KANK3: variants seen among roughly 807,000 people sequenced by gnomAD.
KANK3 encodes the protein KN motif and ankyrin repeat domains 3.
Under a neutral mutation model 65.4 loss-of-function variants are expected in KANK3, and 61 were observed. That is an observed-to-expected ratio of 0.93 (90% CI 0.76 to 1.15). The LOEUF (loss-of-function observed/expected upper bound fraction) is 1.15. KANK3 is among the 50% of genes most tolerant of loss of function. The pLI, the probability that KANK3 is intolerant of heterozygous loss-of-function variation, is 0.00. For missense variants in KANK3, 1,187 were observed against 1,178.8 expected, an observed-to-expected ratio of 1.01 and a Z score of -0.10; for synonymous variants, 586 against 543.3, an observed-to-expected ratio of 1.08 and a Z score of -1.09.
chr19:8,342,161 T>G (rs1423089967), intron 1 of KANK3, among the ~76,000 whole-genome samples: 1 of 152,106 alleles, frequency 6.6e-6, no homozygotes, highest in Non-Finnish European at 1.5e-5. Context: ...AGCTGGCTAA[T>G]TTTTGAATTT....
rs889896826 is a variant in KANK3, at chr19:8,335,547, A to T, written c.280T>A (p.Ser94Thr). ...RSPGAWTSSESLASDDGGAPG... is the reference protein window; with the variant it reads ...RSPGAWTSSETLASDDGGAPG... ...GCTCCACCGTCGTCACTGGCCAGGG[A>T]CTCGCTGGATGTCCAGGCGCCTGGG... Residue 94 changes from serine to threonine, a missense_variant, in exon 3 of 11, where the codon TCC becomes ACC. Coordinates refer to ENST00000330915, the MANE Select transcript of KANK3 (RefSeq NM_198471.3). The T allele has an allele frequency of 8.2e-7, 1 of 1,218,448 alleles. No homozygotes were observed. Among genetic ancestry groups the T allele is most frequent in the Non-Finnish European group, 1.0e-6 (1 of 972,540 alleles). 75.5% of individuals were successfully genotyped at this position (1,218,448 alleles called of 1,614,324 possible).
chr19:8,337,960 C>G, intron 1 of KANK3, 104 bp from the exon 2 acceptor site: 6 of 1,520,080 alleles, frequency 3.9e-6, no homozygotes, highest in Non-Finnish European at 5.3e-6. Flanking sequence ...TCTCCTCCAC[C>G]CAGCCACCTC....
chr19:8,333,274 G>T lies in KANK3; in HGVS notation c.1720-44C>A. ...AAGATAACATCGGCGATGGTCCACG[G>T]CGGCGCCGTGGTGGGGGAGCTGGGG... On this transcript the variant is annotated intron_variant, in intron 6 of 10. Transcript: ENST00000330915. This position sits in a 1 kb window ranked among gnomAD's most constrained non-coding sequence, Gnocchi z 5.0. The T allele has an allele frequency of 6.6e-7, 1 of 1,518,340 alleles. No homozygotes were observed. 94.1% of individuals were successfully genotyped at this position (1,518,340 alleles called of 1,614,324 possible).
chr19:8,338,873 C>CAAA (rs35505826), intron 1 of KANK3, among the ~76,000 whole-genome samples: 1 of 18,900 alleles, frequency 5.3e-5, no homozygotes, highest in Non-Finnish European at 1.1e-4. Context: ...GATTCCGTCT[C>CAAA]AAAAAAAAAA....
At chr19:8,337,096 G>A (rs1342800915) in intron 2 of KANK3, among the ~76,000 whole-genome samples, 3 of 151,846 alleles carry the variant, frequency 2.0e-5, no homozygotes, top group East Asian at 3.9e-4. Flanking sequence ...GCTGTAGTGC[G>A]ATCTTGGCTC....
rs1421780270 is a variant in KANK3, at chr19:8,335,111, G to A, written c.716C>T (p.Thr239Met). The A allele has an allele frequency of 1.6e-6, 2 of 1,279,982 alleles. No homozygotes were observed. The highest frequency in any genetic ancestry group is 8.6e-5 in the Admixed American group (2 of 23,306). The allele number at this position is 1,279,982 out of a possible 1,614,324, so 79.3% of individuals were successfully genotyped here. Residue 239 changes from threonine (T) to methionine (M), a missense_variant, in exon 3 of 11, where the codon ACG (threonine) becomes ATG (methionine). Thr to Met is a moderately conservative substitution (Grantham distance 81, BLOSUM62 -1). Transcript: ENST00000330915. ...CAGCTGGGCGAGCTTGTCCGGGCGC[G>A]TCTCAGCCTCCCCGTCCGGCTCGGG... is the stretch of plus-strand genomic sequence containing the variant. ...AQPEPDGEAETRPDKLAQLRR... is the reference protein window; with the variant it reads ...AQPEPDGEAEMRPDKLAQLRR...
Position 8,322,618 on chromosome 19 carries a change from A to C in KANK3, c.*221T>G, listed in dbSNP as rs900254466. The C allele has an allele frequency of 5.5e-6, 3 of 544,260 alleles. No homozygotes were observed. The highest frequency in any genetic ancestry group is 9.5e-6 in the Non-Finnish European group (3 of 314,666). The allele number at this position is 544,260 out of a possible 1,614,324, so 33.7% of individuals were successfully genotyped here. ...TGTTTTATTAGCAAAGAAGTTTCAG[A>C]GAGTGGGTGGATCAGGGCTCTATCA... On this transcript the variant is annotated 3_prime_UTR_variant, in exon 11 of 11. Coordinates refer to ENST00000330915, the MANE Select transcript of KANK3 (RefSeq NM_198471.3).
At position 8,334,005 on chromosome 19, in the gene KANK3, TC is replaced by T; in HGVS notation, c.1538del (p.Gly513AspfsTer36). The T allele has an allele frequency of 6.5e-7, 1 of 1,548,436 alleles. No homozygotes were observed. On this transcript the variant is annotated frameshift_variant, in exon 5 of 11. Coordinates refer to ENST00000330915, the MANE Select transcript of KANK3 (RefSeq NM_198471.3). LOFTEE classifies it high-confidence loss of function. ...SSGSGDDSGG[G>X]SDSGTPGPPS... ...GAGGGCCAGGGGTGCCCGAGTCGGA[TC>T]CCCCGCCGCTGTCATCCCCGGAGCC...
chr19:8,325,204 T>C, intron 7 of KANK3, 108 bp from the exon 8 acceptor site: 1 of 1,238,798 alleles, frequency 8.1e-7, no homozygotes, highest in Non-Finnish European at 1.1e-6. Context: ...TGGGGTGGTC[T>C]CAACGTTCTC....
chr19:8,340,526 A>C (rs1970711453), intron 1 of KANK3, among the ~76,000 whole-genome samples: 1 of 151,970 alleles, frequency 6.6e-6, no homozygotes. Context: ...ACTGACAGGC[A>C]TCTGCCAAAC....
chr19:8,343,046 C>A (rs1471564700), intron 1 of KANK3, among the ~76,000 whole-genome samples, 179 bp downstream of exon 1: 2 of 152,174 alleles, frequency 1.3e-5, no homozygotes, highest in Admixed American at 1.3e-4. Flanking sequence ...CTGCTCGCTA[C>A]CCACCTGGGA....
Position 8,334,531 on chromosome 19 carries a change from G to A in KANK3, c.1296C>T (p.Ser432=), listed in dbSNP as rs1277350950. The stretch of plus-strand genomic sequence containing the variant: ...GCGCCACGGCCCTGTCTCCGTCCAT[G>A]GATCCGGGCGAGCTCTCCTGAGTCA... ...PSLTQESSPG[S]MDGDRAVAPA... The change falls in exon 3 of 11, where the codon TCC becomes TCT. Residue 432 remains serine (S), a synonymous_variant. Coordinates refer to ENST00000330915, the MANE Select transcript of KANK3 (RefSeq NM_198471.3). The A allele has an allele frequency of 6.2e-7, 1 of 1,603,102 alleles. No individual in the cohort carries two copies. Among genetic ancestry groups the A allele is most frequent in the African/African-American group, 1.3e-5 (1 of 75,048 alleles).
At chr19:8,328,039 A>T (rs974115960) in intron 7 of KANK3, among the ~76,000 whole-genome samples, 2 of 152,176 alleles carry the variant, frequency 1.3e-5, no homozygotes, top group Non-Finnish European at 2.9e-5. Context: ...AGAACACTGG[A>T]GGCCAAGGCA....
At position 8,333,780 on chromosome 19, in the gene KANK3, C is replaced by A; in HGVS notation, c.1663G>T (p.Ala555Ser). Residue 555 changes from alanine (A) to serine (S), a missense_variant, in exon 6 of 11, where the codon GCG becomes TCG. By Grantham distance (99) the Ala-to-Ser change is moderately conservative (BLOSUM62 1). Transcript: ENST00000330915. This position sits in a 1 kb window ranked among gnomAD's most constrained non-coding sequence, Gnocchi z 5.0. ...RCELSPRLRE[A>S]CVALQRQLSR... ...AGCTGCCGCTGCAGCGCTACGCACG[C>A]CTCCCTCAGACGCGGGCTCAGCTCG... The A allele has an allele frequency of 6.6e-7, 1 of 1,517,734 alleles. No homozygotes were observed. The highest frequency in any genetic ancestry group is 2.1e-5 in the Admixed American group (1 of 46,806). The allele number at this position is 1,517,734 out of a possible 1,614,324, so 94.0% of individuals were successfully genotyped here.
chr19:8,334,230 G>T (rs1970585247), intron 4 of KANK3, 90 bp downstream of exon 4: 2 of 1,561,180 alleles, frequency 1.3e-6, no homozygotes, highest in African/African-American at 1.4e-5. Flanking sequence ...GGATTGCCCA[G>T]ACCACGCTGC....
At position 8,322,699 on chromosome 19, in the gene KANK3, A is replaced by T. The variant is rs911111151; in HGVS notation, c.*140T>A. 2 of 646,868 alleles carry T rather than the reference A, an allele frequency of 3.1e-6. No homozygotes were observed. Among genetic ancestry groups the T allele is most frequent in the Non-Finnish European group, 5.4e-6 (2 of 371,990 alleles). The allele number at this position is 646,868 out of a possible 1,614,324, so 40.1% of individuals were successfully genotyped here. A position where few individuals can be genotyped will look rare whatever the true frequency, so the allele number is the denominator to read the frequency against. On this transcript the variant is annotated 3_prime_UTR_variant, in exon 11 of 11. Transcript: ENST00000330915. ...GAGTGAGCCCCTTCCTGCCACAGTC[A>T]CCCCAACTGAAATTGCCTTTCTCTT...
chr19:8,335,144 C>T lies in KANK3; in HGVS notation c.683G>A (p.Arg228His). ...CTCCCCGTCCGGCTCGGGCTGCGCG[C>T]GCCCGGCCAGCAGCCGCGCCTTCTC... ...RAEKARLLAG[R>H]AQPEPDGEAE... Residue 228 changes from arginine (R) to histidine (H), a missense_variant, in exon 3 of 11, where the codon CGC (arginine) becomes CAC (histidine). Around this residue, in one of 3 missense-constraint regions of KANK3, gnomAD observed 1,078 missense variants for 1,038.2 expected, o/e 1.04. Transcript: ENST00000330915. The T allele has an allele frequency of 8.2e-7, 1 of 1,224,098 alleles. No individual in the cohort carries two copies. The allele number at this position is 1,224,098 out of a possible 1,614,324, so 75.8% of individuals were successfully genotyped here.
chr19:8,327,810 G>A (rs1163224914), intron 7 of KANK3, among the ~76,000 whole-genome samples: 2 of 152,150 alleles, frequency 1.3e-5, no homozygotes, highest in Non-Finnish European at 2.9e-5. Flanking sequence ...TGTTTGGGTG[G>A]CATGCTGTGT....
chr19:8,334,267 A>C (rs1225779103), intron 4 of KANK3, 53 bp downstream of exon 4: 2 of 1,607,308 alleles, frequency 1.2e-6, no homozygotes, highest in Non-Finnish European at 1.7e-6. Context: ...CTGGGGTTCC[A>C]ACCCCAGTCT....
Sources: allele counts gnomAD v4.1 joint callset (sites outside exome capture counted in the v4.1 genomes callset), GRCh38; gene constraint gnomAD v4.1.1; regional missense constraint gnomAD v4.1.1; non-coding constraint Gnocchi (gnomAD v3.1); transcripts MANE v1.5; gene names NCBI Gene and HGNC (gene_info 2026-07-23, HGNC 2026-07-21).